The following PTPRM variants were observed in gnomAD, a reference collection of about 807,000 sequenced individuals.
PTPRM encodes the protein receptor-type tyrosine-protein phosphatase mu.
In PTPRM, 47 loss-of-function variants were observed where a neutral mutation model predicts 186.7. The ratio of observed to expected loss-of-function variants is 0.25; its 90% CI spans 0.20 to 0.32. PTPRM has a LOEUF of 0.32. Among genes scored for constraint, PTPRM ranks in the 10% least tolerant of loss-of-function variants. The probability of loss-of-function intolerance (pLI) is 1.00; values close to 1 mark genes in which losing one functional copy is unlikely to be tolerated. For synonymous variants in PTPRM, 668 were observed against 674.9 expected, an observed-to-expected ratio of 0.99 and a Z score of 0.16; for missense variants, 1,494 against 1,865.0, an observed-to-expected ratio of 0.80 and a Z score of 3.66.
intron 9 of PTPRM, among the ~76,000 whole-genome samples, chr18:8,080,505 A>C (rs2090070097): frequency 6.6e-6 from 1 of 152,204 alleles, no homozygotes; most frequent in South Asian, 2.1e-4. Flanking sequence ...GACTCAATAC[A>C]TGAGTGTGTG....
At chr18:8,043,585 G>A (rs553614279) in intron 7 of PTPRM, among the ~76,000 whole-genome samples, 8 of 151,132 alleles carry the variant, frequency 5.3e-5, no homozygotes, top group East Asian at 1.9e-4. Context: ...TCTTTTTCAC[G>A]TTGTTCTCCA....
At position 7,571,798 on chromosome 18, in the gene PTPRM, G is replaced by T. The variant is rs142990541; in HGVS notation, c.73+3907G>T. On this transcript the variant is annotated intron_variant, in intron 1 of 32. Coordinates refer to ENST00000580170, the MANE Select transcript of PTPRM (RefSeq NM_001105244.2). ...GCTTTGGTAATTCTGCTCTGTGAAT[G>T]TAAGATGTTAACATTAGGGGGAAGC... is the stretch of plus-strand genomic sequence containing the variant. 2.3e-3 allele frequency among the ~76,000 whole-genome samples: 355 copies of T among 152,298 alleles called. 1 individual carries two copies. The highest frequency in any genetic ancestry group is 7.7e-3 in the African/African-American group (322 of 41,560).
intron 19 of PTPRM, among the ~76,000 whole-genome samples, chr18:8,276,819 G>A (rs539750716): frequency 2.0e-4 from 31 of 152,336 alleles, no homozygotes; most frequent in African/African-American, 7.2e-4. Context: ...GAGACCTGAA[G>A]TGTTGGAGGA....
chr18:8,240,641 G>A (rs1373151127), intron 14 of PTPRM, among the ~76,000 whole-genome samples: 1 of 70,138 alleles, frequency 1.4e-5, no homozygotes, highest in Non-Finnish European at 3.0e-5. Context: ...GAGAGAGAGA[G>A]AGAGAGAGAG....
At chr18:8,265,925 A>G (rs2094695170) in intron 19 of PTPRM, among the ~76,000 whole-genome samples, 1 of 152,120 alleles carries the variant, frequency 6.6e-6, no homozygotes, top group African/African-American at 2.4e-5. Flanking sequence ...AATGTTTTTC[A>G]GTGGGCGACA....
intron 1 of PTPRM, among the ~76,000 whole-genome samples, chr18:7,614,170 A>G (rs1039904170): frequency 1.3e-5 from 2 of 152,220 alleles, no homozygotes; most frequent in African/African-American, 4.8e-5. Context: ...AGTTATACAA[A>G]TGATTTAAGC....
At chr18:7,979,022 C>T (rs1471199173) in intron 7 of PTPRM, among the ~76,000 whole-genome samples, 1 of 152,106 alleles carries the variant, frequency 6.6e-6, no homozygotes, top group Admixed American at 6.5e-5. Context: ...TGAATGTTGC[C>T]TGGGTGACCT....
chr18:7,943,761 C>G (rs2052345813), intron 5 of PTPRM, among the ~76,000 whole-genome samples: 2 of 152,186 alleles, frequency 1.3e-5, no homozygotes, highest in Non-Finnish European at 2.9e-5. Flanking sequence ...GTTATCTTTC[C>G]TTCACATTGA....
chr18:7,875,626 C>T lies in PTPRM; in HGVS notation c.197-12480C>T, dbSNP rs573147968. Among the ~76,000 whole-genome samples, 79 of 152,236 alleles carry T rather than the reference C, an allele frequency of 5.2e-4. 1 individual carries two copies. The highest frequency in any genetic ancestry group is 9.9e-4 in the Non-Finnish European group (67 of 68,012). On this transcript the variant is annotated intron_variant, in intron 2 of 32. Transcript: ENST00000580170. ...GGCGTGAGCCTCTGTGCCCGGCCAA[C>T]ATGCACCATTCTTGCCAAAGACCTG... is the stretch of plus-strand genomic sequence containing the variant.
intron 2 of PTPRM, among the ~76,000 whole-genome samples, chr18:7,877,432 T>A (rs539772188): frequency 6.6e-6 from 1 of 152,308 alleles, no homozygotes; most frequent in South Asian, 2.1e-4. Flanking sequence ...ATTTTATGGG[T>A]GTAAGAAATT....
At chr18:8,094,775 A>G (rs780758898) in intron 11 of PTPRM, among the ~76,000 whole-genome samples, 1 of 152,168 alleles carries the variant, frequency 6.6e-6, no homozygotes, top group African/African-American at 2.4e-5. Flanking sequence ...TCCTTTGGCA[A>G]ATGTTAAGGA....
intron 2 of PTPRM, among the ~76,000 whole-genome samples, chr18:7,774,841 G>A (rs931807600): frequency 1.3e-5 from 2 of 152,244 alleles, no homozygotes; most frequent in South Asian, 2.1e-4. Context: ...TTTACTTCTT[G>A]TTGGGAGGGA....
intron 1 of PTPRM, among the ~76,000 whole-genome samples, chr18:7,585,370 G>T (rs1001565753): frequency 6.6e-6 from 1 of 152,190 alleles, no homozygotes; most frequent in Non-Finnish European, 1.5e-5. Context: ...AAATTGCAGA[G>T]AGGATTGGAA....
At chr18:8,406,031 C>G in intron 32 of PTPRM, 78 bp from the exon 33 acceptor site, 1 of 1,278,660 alleles carries the variant, frequency 7.8e-7, no homozygotes, top group Non-Finnish European at 1.1e-6. Flanking sequence ...CCATTAAGAC[C>G]CTACTCTATG....
intron 7 of PTPRM, among the ~76,000 whole-genome samples, chr18:8,000,496 C>A (rs1337074023): frequency 6.6e-6 from 1 of 152,114 alleles, no homozygotes; most frequent in East Asian, 1.9e-4. Context: ...ACAGAATTCT[C>A]ACTTGGGGGC....
At chr18:8,389,786 C>T (rs1015307401) in intron 31 of PTPRM, among the ~76,000 whole-genome samples, 1 of 152,208 alleles carries the variant, frequency 6.6e-6, no homozygotes, top group African/African-American at 2.4e-5. Flanking sequence ...CTCCAGTCTT[C>T]CTCTTGGAGG....
At chr18:7,586,702 T>A (rs1170023943) in intron 1 of PTPRM, among the ~76,000 whole-genome samples, 3 of 152,190 alleles carry the variant, frequency 2.0e-5, no homozygotes, top group Non-Finnish European at 4.4e-5. Context: ...ACAGAATTTT[T>A]AAATACTAGG....
chr18:7,909,649 T>A (rs1177657247), intron 4 of PTPRM, among the ~76,000 whole-genome samples: 1 of 152,246 alleles, frequency 6.6e-6, no homozygotes, highest in African/African-American at 2.4e-5. Context: ...GGAGCATTAA[T>A]ATTTTATATC....
At chr18:8,285,258 A>T (rs2094943895) in intron 19 of PTPRM, among the ~76,000 whole-genome samples, 1 of 152,188 alleles carries the variant, frequency 6.6e-6, no homozygotes, top group South Asian at 2.1e-4. Flanking sequence ...GTAAACATTA[A>T]AAAGCAAATT....
Sources: gnomAD v4.1 joint callset for allele counts (sites outside exome capture counted in the v4.1 genomes callset) on GRCh38, gnomAD v4.1.1 for gene constraint, MANE v1.5 for transcripts, NCBI Gene and HGNC (gene_info 2026-07-23, HGNC 2026-07-21) for gene names.